The following HIRA variants were observed in gnomAD, a reference collection of about 807,000 sequenced individuals.
HIRA encodes histone cell cycle regulator.
In HIRA, 13 loss-of-function variants were observed where a neutral mutation model predicts 126.6. That is an observed-to-expected ratio of 0.10 (90% CI 0.07 to 0.16). HIRA has a LOEUF of 0.16. Among genes scored for constraint, HIRA ranks in the 10% least tolerant of loss-of-function variants. HIRA has a pLI of 1.00. For synonymous variants in HIRA, 511 were observed against 520.0 expected (o/e 0.98, Z 0.24); for missense variants, 834 against 1,314.4 (o/e 0.63, Z 5.65).
rs1374759178 is a variant in HIRA at position 19,377,909 on chromosome 22, C to T, written c.1573G>A (p.Ala525Thr). Residue 525 changes from alanine to threonine, a missense_variant, in exon 14 of 25, where the codon GCC becomes ACC. Ala to Thr is a moderately conservative substitution (Grantham distance 58). This residue lies in a region of HIRA where 468 missense variants were observed against 574.2 expected (regional missense o/e 0.82). Transcript: ENST00000263208. ...SKPCTEPVVA[A>T]SARPAGDSVN... ...GAATCGCCTGCAGGTCTGGCACTGG[C>T]AGCCACCACAGGCTCTGTGCAAGGC... is the stretch of plus-strand genomic sequence containing the variant. 4 of 1,612,960 alleles carry T rather than the reference C, an allele frequency of 2.5e-6. No homozygotes were observed.
chr22:19,424,192 C>T (rs2089471042), intron 1 of HIRA, among the ~76,000 whole-genome samples: 2 of 152,178 alleles, frequency 1.3e-5, no homozygotes, highest in East Asian at 1.9e-4. Flanking sequence ...AGCATATGCT[C>T]CCCCAGGGAG....
chr22:19,335,909 A>G (rs2088562243), intron 24 of HIRA, among the ~76,000 whole-genome samples: 1 of 152,236 alleles, frequency 6.6e-6, no homozygotes, highest in Admixed American at 6.5e-5. Context: ...TTGAGTCAGT[A>G]GGTCTGTTTA....
At chr22:19,425,174 A>C (rs949934273) in intron 1 of HIRA, among the ~76,000 whole-genome samples, 5 of 152,240 alleles carry the variant, frequency 3.3e-5, no homozygotes, top group Non-Finnish European at 7.3e-5. Flanking sequence ...GGGTTCTGCT[A>C]ACAAGGAACA....
intron 4 of HIRA, among the ~76,000 whole-genome samples, chr22:19,406,102 T>A (rs1470742174): frequency 6.6e-6 from 1 of 152,084 alleles, no homozygotes; most frequent in Admixed American, 6.6e-5. Flanking sequence ...GGGAAAACGT[T>A]CACAATAAGT....
At chr22:19,407,866 C>T (rs2089320657) in intron 3 of HIRA, among the ~76,000 whole-genome samples, 1 of 152,222 alleles carries the variant, frequency 6.6e-6, no homozygotes, top group Non-Finnish European at 1.5e-5. Flanking sequence ...CAAGAGCACT[C>T]ACAACTTGGC....
intron 1 of HIRA, among the ~76,000 whole-genome samples, chr22:19,419,391 C>T (rs933441638): frequency 1.3e-5 from 2 of 152,152 alleles, no homozygotes; most frequent in African/African-American, 2.4e-5. Flanking sequence ...GTACCAGGTG[C>T]GCTCCTATCT....
intron 1 of HIRA, among the ~76,000 whole-genome samples, chr22:19,428,042 T>G (rs2089501906): frequency 6.6e-6 from 1 of 152,224 alleles, no homozygotes; most frequent in Admixed American, 6.5e-5. Flanking sequence ...TATTTCAATT[T>G]AACAATCTTT....
At chr22:19,368,724 G>A (rs577156254) in intron 15 of HIRA, among the ~76,000 whole-genome samples, 2 of 152,302 alleles carry the variant, frequency 1.3e-5, no homozygotes, top group East Asian at 1.9e-4. Flanking sequence ...TGTAACTATC[G>A]TTTTGTAAAA....
chr22:19,331,656 G>C, intron 24 of HIRA, 100 bp from the exon 25 acceptor site: 3 of 1,106,298 alleles, frequency 2.7e-6, no homozygotes, highest in Admixed American at 2.3e-5. Context: ...CTGCTCACGG[G>C]AGAAGGAAAG....
chr22:19,389,964 C>T (rs1439520821), intron 9 of HIRA, among the ~76,000 whole-genome samples: 3 of 151,174 alleles, frequency 2.0e-5, no homozygotes, highest in African/African-American at 7.3e-5. Context: ...TTCCAACTTG[C>T]TCTGCTTATA....
At chr22:19,376,578 G>T (rs966043591) in intron 14 of HIRA, among the ~76,000 whole-genome samples, 2 of 152,196 alleles carry the variant, frequency 1.3e-5, no homozygotes, top group Non-Finnish European at 2.9e-5. Context: ...AGAGTTCTCA[G>T]ATCTGGCATG....
chr22:19,399,223 G>T, intron 5 of HIRA: 1 of 895,980 alleles, frequency 1.1e-6, no homozygotes. Context: ...TTGGTGAGTT[G>T]AAGAAACAAA....
intron 24 of HIRA, among the ~76,000 whole-genome samples, chr22:19,349,827 C>T (rs1488440048): frequency 6.6e-6 from 1 of 152,180 alleles, no homozygotes; most frequent in Non-Finnish European, 1.5e-5. Flanking sequence ...CACCCTTCTG[C>T]TACCATCCCG....
At chr22:19,426,861 C>A (rs1273211342) in intron 1 of HIRA, among the ~76,000 whole-genome samples, 3 of 152,178 alleles carry the variant, frequency 2.0e-5, no homozygotes, top group African/African-American at 7.2e-5. Flanking sequence ...TTCTGAGCTA[C>A]CACATGGAGC....
chr22:19,427,586 C>T (rs1280602959), intron 1 of HIRA, among the ~76,000 whole-genome samples: 1 of 152,210 alleles, frequency 6.6e-6, no homozygotes, highest in Non-Finnish European at 1.5e-5. Flanking sequence ...ATGTGATTAC[C>T]AGCAAATTAC....
At chr22:19,403,663 C>T (rs1170661381) in intron 5 of HIRA, among the ~76,000 whole-genome samples, 1 of 152,102 alleles carries the variant, frequency 6.6e-6, no homozygotes, top group African/African-American at 2.4e-5. Context: ...ATTATATTTA[C>T]TAGTATTGTT....
chr22:19,385,460 C>T (rs1431870302), intron 12 of HIRA, 61 bp downstream of exon 12: 13 of 1,492,070 alleles, frequency 8.7e-6, no homozygotes, highest in Middle Eastern at 3.4e-4. Context: ...CTGGTGTCTG[C>T]CCCTCACCCT....
intron 1 of HIRA, among the ~76,000 whole-genome samples, chr22:19,424,516 C>T (rs1277414928): frequency 1.3e-5 from 2 of 152,200 alleles, no homozygotes; most frequent in African/African-American, 4.8e-5. Context: ...AGTCAGAGGA[C>T]AAGCTCCAGG....
intron 21 of HIRA, 103 bp from the exon 22 acceptor site, chr22:19,354,221 C>T: frequency 1.6e-6 from 2 of 1,216,658 alleles, no homozygotes; most frequent in East Asian, 2.5e-5. Context: ...GAGAAGCAGC[C>T]CCTGCCGACA....
Sources: allele counts gnomAD v4.1 joint callset (sites outside exome capture counted in the v4.1 genomes callset), GRCh38; gene constraint gnomAD v4.1.1; regional missense constraint gnomAD v4.1.1; transcripts MANE v1.5; gene names NCBI Gene and HGNC (gene_info 2026-07-23, HGNC 2026-07-21).